The following MSRA variants were observed in gnomAD, a reference collection of about 807,000 sequenced individuals.
The protein encoded by MSRA is mitochondrial peptide methionine sulfoxide reductase.
A neutral mutation model predicts 31.3 loss-of-function variants in MSRA; 54 were observed. The ratio of observed to expected loss-of-function variants is 1.73; its 90% confidence interval spans 1.39 to 2.17. MSRA has a LOEUF of 2.17. MSRA is among the 30% of genes most tolerant of loss of function. The pLI is 0.00. For missense variants in MSRA, 507 were observed against 300.9 expected (o/e 1.69, Z -5.07); for synonymous variants, 169 against 116.5 (o/e 1.45, Z -2.90).
intron 2 of MSRA, among the ~76,000 whole-genome samples, chr8:10,211,703 C>G (rs1426466173): frequency 2.0e-5 from 3 of 152,116 alleles, no homozygotes; most frequent in Non-Finnish European, 2.9e-5. Context: ...ATGGCCGAGG[C>G]TTCCTCAGGT....
At position 10,277,191 on chromosome 8, in the gene MSRA, A is replaced by C. The variant is rs553714940; in HGVS notation, c.332-24343A>C. Among the ~76,000 whole-genome samples, 20 of 152,340 alleles carry C rather than the reference A, an allele frequency of 1.3e-4. No individual in the cohort carries two copies. The East Asian group carries it at 3.7e-3, about 28-fold the overall frequency. On this transcript the variant is annotated intron_variant, in intron 3 of 5. Coordinates refer to ENST00000317173, the MANE Select transcript of MSRA (RefSeq NM_012331.5). ...TATTCTTATAAAATTTATCCTGGCA[A>C]ACTTAAGACAGTAATAATCTAAGTC...
intron 5 of MSRA, among the ~76,000 whole-genome samples, chr8:10,327,915 G>A (rs956225076): frequency 3.3e-5 from 5 of 151,214 alleles, no homozygotes; most frequent in Non-Finnish European, 5.9e-5. Flanking sequence ...CCTGGGCTCC[G>A]TCTCAACAAC....
At chr8:10,261,709 T>C (rs996231806) in intron 3 of MSRA, among the ~76,000 whole-genome samples, 7 of 152,354 alleles carry the variant, frequency 4.6e-5, no homozygotes, top group Non-Finnish European at 1.0e-4. Flanking sequence ...AATACTGATA[T>C]GTTATTATTA....
intron 5 of MSRA, among the ~76,000 whole-genome samples, chr8:10,406,668 C>T (rs1323866861): frequency 1.3e-5 from 2 of 152,214 alleles, no homozygotes. Flanking sequence ...AACCTACTTT[C>T]AAACACAAAA....
intron 1 of MSRA, among the ~76,000 whole-genome samples, chr8:10,081,673 A>G (rs1019880338): frequency 2.2e-4 from 34 of 152,044 alleles, no homozygotes; most frequent in Admixed American, 2.6e-4. Flanking sequence ...TATTTTTAGT[A>G]GAGACGGGGT....
At chr8:10,235,256 G>C (rs116697348) in intron 2 of MSRA, among the ~76,000 whole-genome samples, 362 of 152,220 alleles carry the variant, frequency 2.4e-3, no homozygotes, top group African/African-American at 6.3e-3. Flanking sequence ...ATAAAATTGT[G>C]AAGGTAGTAT....
chr8:10,264,306 A>G (rs561480888), intron 3 of MSRA, among the ~76,000 whole-genome samples: 1 of 152,250 alleles, frequency 6.6e-6, no homozygotes, highest in East Asian at 1.9e-4. Context: ...AACCTCCTAT[A>G]CTATTAGGTC....
At chr8:10,153,090 A>T (rs1345483092) in intron 1 of MSRA, among the ~76,000 whole-genome samples, 2 of 152,350 alleles carry the variant, frequency 1.3e-5, no homozygotes, top group Admixed American at 1.3e-4. Flanking sequence ...ATCGTACATC[A>T]GTGTGAATGT....
At chr8:10,276,138 CCGTGGTGGTGG>C (rs1799309454) in intron 3 of MSRA, among the ~76,000 whole-genome samples, 1 of 152,148 alleles carries the variant, frequency 6.6e-6, no homozygotes, top group Admixed American at 6.5e-5. Flanking sequence ...AGGGTGACCT[CCGTGGTGGTGG>C]CTACTCTGTT....
At chr8:10,385,440 G>T (rs770013704) in intron 5 of MSRA, among the ~76,000 whole-genome samples, 1 of 152,210 alleles carries the variant, frequency 6.6e-6, no homozygotes, top group Non-Finnish European at 1.5e-5. Flanking sequence ...TCAGAATGAC[G>T]GGTGGTACAT....
rs936945089 is a variant in MSRA, at chr8:10,250,489, G to T, written c.331+5266G>T. On this transcript the variant is annotated intron_variant, in intron 3 of 5. Coordinates refer to ENST00000317173, the MANE Select transcript of MSRA (RefSeq NM_012331.5). ...TTTTAGAAATCTGCACAGCCAAGTG[G>T]CACTGAATCCAGAAGCATGAAAGGA... is the stretch of plus-strand genomic sequence containing the variant. 3 of 701,904 alleles carry T rather than the reference G, an allele frequency of 4.3e-6. No homozygotes were observed. In the African/African-American group the frequency reaches 5.2e-5, roughly 12 times the overall value. The allele number at this position is 701,904 out of a possible 1,614,324, so 43.5% of individuals were successfully genotyped here.
At chr8:10,107,745 G>A (rs1365355907) in intron 1 of MSRA, among the ~76,000 whole-genome samples, 1 of 152,196 alleles carries the variant, frequency 6.6e-6, no homozygotes, top group Non-Finnish European at 1.5e-5. Context: ...ATGGAACAGA[G>A]TGTGACAGTA....
chr8:10,257,520 C>T (rs1484767077), intron 3 of MSRA, among the ~76,000 whole-genome samples: 2 of 152,176 alleles, frequency 1.3e-5, no homozygotes, highest in African/African-American at 4.8e-5. Context: ...GATTCTCCTG[C>T]CTCAGCCTCT....
intron 1 of MSRA, among the ~76,000 whole-genome samples, chr8:10,120,071 G>A (rs1369660689): frequency 6.6e-6 from 1 of 152,186 alleles, no homozygotes; most frequent in Non-Finnish European, 1.5e-5. Context: ...AAAGAGGGCT[G>A]GGGGAAGAAA....
chr8:10,217,867 T>C (rs1810133263), intron 2 of MSRA, among the ~76,000 whole-genome samples: 1 of 152,238 alleles, frequency 6.6e-6, no homozygotes, highest in African/African-American at 2.4e-5. Flanking sequence ...AGATCGCGTA[T>C]ACATTGCAAT....
chr8:10,353,971 T>G (rs1804357473), intron 5 of MSRA: 1 of 177,900 alleles, frequency 5.6e-6, no homozygotes, highest in African/African-American at 2.4e-5. Context: ...AAATGAACTT[T>G]TCTTTTTCCA....
At chr8:10,286,083 CA>C (rs775112712) in intron 3 of MSRA, among the ~76,000 whole-genome samples, 175 of 152,174 alleles carry the variant, frequency 1.1e-3, no homozygotes, top group Middle Eastern at 3.4e-3. Context: ...CCGTGTCTGC[CA>C]GCAGGAATGG....
At chr8:10,374,373 G>A (rs1027418629) in intron 5 of MSRA, among the ~76,000 whole-genome samples, 5 of 152,102 alleles carry the variant, frequency 3.3e-5, no homozygotes, top group African/African-American at 7.2e-5. Flanking sequence ...GGTGCTGTAC[G>A]GGAGAGGTGA....
At chr8:10,277,743 T>G (rs895866313) in intron 3 of MSRA, among the ~76,000 whole-genome samples, 1 of 152,206 alleles carries the variant, frequency 6.6e-6, no homozygotes, top group Non-Finnish European at 1.5e-5. Flanking sequence ...TGGCTACTTA[T>G]TAGCTTATAA....
Sources: allele counts gnomAD v4.1 joint callset (sites outside exome capture counted in the v4.1 genomes callset), GRCh38; gene constraint gnomAD v4.1.1; transcripts MANE v1.5; gene names NCBI Gene and HGNC (gene_info 2026-07-23, HGNC 2026-07-21).